Variants in WWTR1 observed in about 807,000 individuals in gnomAD.
The protein encoded by WWTR1 is WW domain containing transcription regulator 1.
In WWTR1, 13 loss-of-function variants were observed where a neutral mutation model predicts 40.1. The ratio of observed to expected loss-of-function variants is 0.32; its 90% CI spans 0.21 to 0.52. WWTR1 has a LOEUF of 0.52. WWTR1 is among the 20% of genes least tolerant of loss of function. WWTR1 has a pLI of 0.97. For missense variants in WWTR1, 436 were observed against 523.1 expected (o/e 0.83, Z 1.63); for synonymous variants, 230 against 210.1 (o/e 1.09, Z -0.82).
Position 149,520,964 on chromosome 3 carries a change from C to T in WWTR1, c.1044G>A (p.Met348Ile). The part of the protein sequence containing the change: ...DTGENAGQTP[M>I]NINPQQTRFP... ...AACGGGTCTGTTGGGGATTGATGTT[C>T]ATGGGTGTTTGTCCTGCGTTTTCTC... The change falls in exon 7 of 7, where the codon ATG becomes ATA. Residue 348 changes from methionine to isoleucine, a missense_variant. Transcript: ENST00000360632. The T allele has an allele frequency of 6.2e-7, 1 of 1,608,136 alleles. No homozygotes were observed. Among genetic ancestry groups the T allele is most frequent in the South Asian group, 1.1e-5 (1 of 89,694 alleles).
At chr3:149,591,089 G>C (rs1019638542) in intron 2 of WWTR1, among the ~76,000 whole-genome samples, 4 of 151,690 alleles carry the variant, frequency 2.6e-5, no homozygotes, top group African/African-American at 9.7e-5. Flanking sequence ...TTAGGTCCAT[G>C]TGATCCTGTA....
intron 1 of WWTR1, among the ~76,000 whole-genome samples, chr3:149,673,995 C>T (rs943758928): frequency 2.1e-5 from 3 of 143,844 alleles, no homozygotes; most frequent in African/African-American, 7.7e-5. Context: ...GAGAATATTG[C>T]TTAAGCCTAG....
intron 1 of WWTR1, among the ~76,000 whole-genome samples, chr3:149,698,500 G>A (rs550659634): frequency 6.6e-6 from 1 of 152,316 alleles, no homozygotes; most frequent in South Asian, 2.1e-4. Flanking sequence ...TTAGCAGTGT[G>A]AGAACAGACT....
chr3:149,622,296 T>G (rs1442505686), intron 2 of WWTR1, among the ~76,000 whole-genome samples: 1 of 152,120 alleles, frequency 6.6e-6, no homozygotes, highest in East Asian at 1.9e-4. Context: ...AGATACACTT[T>G]GTTTTCAAAA....
At chr3:149,632,333 C>T (rs916656194) in intron 2 of WWTR1, among the ~76,000 whole-genome samples, 2 of 152,184 alleles carry the variant, frequency 1.3e-5, no homozygotes, top group African/African-American at 2.4e-5. Flanking sequence ...TCTAAGGAAA[C>T]AGGCAAGGTA....
chr3:149,656,893 G>T lies in WWTR1; in HGVS notation c.414C>A (p.Gly138=). The T allele has an allele frequency of 6.5e-7, 1 of 1,533,588 alleles. No individual in the cohort carries two copies. 95.0% of individuals were successfully genotyped at this position (1,533,588 alleles called of 1,614,324 possible). ...PGWEMTFTAT[G]QRYFLNHIEK... Reference sequence around the variant, plus strand: ...TGACTTACTTGAGGAAGTACCTCTGGCCAGTGGCCGTGAAGGTCATCTCCC... The same window carrying T: ...TGACTTACTTGAGGAAGTACCTCTGTCCAGTGGCCGTGAAGGTCATCTCCC... Residue 138 remains glycine, a synonymous_variant, in exon 2 of 7, where the codon GGC becomes GGA. Transcript: ENST00000360632.
chr3:149,637,295 G>A (rs901746772), intron 2 of WWTR1, among the ~76,000 whole-genome samples: 4 of 151,112 alleles, frequency 2.6e-5, no homozygotes, highest in Non-Finnish European at 4.4e-5. Context: ...GCATGATCTC[G>A]ACTCACTGCA....
chr3:149,637,247 A>T (rs1226286245), intron 2 of WWTR1, among the ~76,000 whole-genome samples: 1 of 149,538 alleles, frequency 6.7e-6, no homozygotes, highest in African/African-American at 2.5e-5. Flanking sequence ...TTTTTTTGAG[A>T]CAGAGTCTCG....
At chr3:149,656,760 CTCTT>C (rs371121386) in intron 2 of WWTR1, 112 bp downstream of exon 2, 41,815 of 663,008 alleles carry the variant, frequency 0.063, 849 homozygotes, top group East Asian at 0.2. Flanking sequence ...CACCATCTCT[CTCTT>C]TCTCTCTCTC....
rs111311566 is a variant in WWTR1 at position 149,719,166 on chromosome 3, C to CT, written n.460-1601dup. On this transcript the variant is annotated intron_variant and non_coding_transcript_variant, in intron 4 of 6. Coordinates refer to the WWTR1 transcript ENST00000474080. ...TTTAAGGCTGAATAATATTCTTTTT[C>CT]TTTTTTTTTTTTTCTTTTTTGAGAC... 9.7e-3 allele frequency among the ~76,000 whole-genome samples: 1,367 copies of CT among 141,132 alleles called. 8 individuals are homozygous for CT. The highest frequency in any genetic ancestry group is 0.025 in the South Asian group (110 of 4,392). The allele number at this position is 141,132 out of a possible 152,430, so 92.6% of individuals were successfully genotyped here.
intron 3 of WWTR1, among the ~76,000 whole-genome samples, chr3:149,561,219 T>C (rs1175858929): frequency 2.0e-5 from 3 of 152,116 alleles, no homozygotes; most frequent in Non-Finnish European, 4.4e-5. Context: ...GTTAAATAAA[T>C]TATGGCATTA....
At chr3:149,526,267 AT>A (rs1458429465) in intron 5 of WWTR1, 142 bp from the exon 6 acceptor site, 3 of 475,184 alleles carry the variant, frequency 6.3e-6, no homozygotes, top group Non-Finnish European at 1.1e-5. Context: ...GAAAGTTTTA[AT>A]TTTGAAATAC....
chr3:149,640,974 C>T (rs1385135893), intron 2 of WWTR1, among the ~76,000 whole-genome samples: 2 of 151,942 alleles, frequency 1.3e-5, no homozygotes, highest in East Asian at 3.8e-4. Flanking sequence ...AAGTCACTGG[C>T]AAATCAAAGA....
chr3:149,638,699 C>T (rs900701920), intron 2 of WWTR1, among the ~76,000 whole-genome samples: 1 of 151,986 alleles, frequency 6.6e-6, no homozygotes, highest in African/African-American at 2.4e-5. Context: ...ACATTTCCTT[C>T]GCATTTAATT....
chr3:149,698,417 C>G (rs1235202647), intron 1 of WWTR1, among the ~76,000 whole-genome samples: 1 of 152,208 alleles, frequency 6.6e-6, no homozygotes. Flanking sequence ...CTGAGGACTC[C>G]CCAGCCATGT....
At position 149,534,575 on chromosome 3, in the gene WWTR1, G is replaced by C. The variant is rs148083417; in HGVS notation, c.772-6606C>G. On this transcript the variant is annotated intron_variant, in intron 4 of 6. Coordinates refer to ENST00000360632, the MANE Select transcript of WWTR1 (RefSeq NM_015472.6). ...TTCAATGATAGTTTTCAACGTATAT[G>C]AGTGGAGCTCATGTCCTAGGAATTC... is the stretch of plus-strand genomic sequence containing the variant. Among the ~76,000 whole-genome samples, 816 of 152,322 alleles carry C rather than the reference G, an allele frequency of 5.4e-3. 7 individuals are homozygous for C. The highest frequency in any genetic ancestry group is 8.8e-3 in the Non-Finnish European group (596 of 68,030).
At chr3:149,638,460 T>C (rs1349673779) in intron 2 of WWTR1, among the ~76,000 whole-genome samples, 1 of 152,182 alleles carries the variant, frequency 6.6e-6, no homozygotes, top group Admixed American at 6.5e-5. Context: ...AAAGAGTTCA[T>C]TTAAAGGGCA....
chr3:149,538,969 G>T (rs560557910), intron 4 of WWTR1, among the ~76,000 whole-genome samples: 1 of 152,162 alleles, frequency 6.6e-6, no homozygotes, highest in African/African-American at 2.4e-5. Context: ...AAGGAATGAA[G>T]GAAGGAAAAA....
intron 2 of WWTR1, among the ~76,000 whole-genome samples, chr3:149,586,844 A>C (rs1030118634): frequency 1.3e-5 from 2 of 152,174 alleles, no homozygotes; most frequent in African/African-American, 4.8e-5. Context: ...GCCTCCATAA[A>C]AATCCATAAG....
Sources: allele counts gnomAD v4.1 joint callset (sites outside exome capture counted in the v4.1 genomes callset), GRCh38; gene constraint gnomAD v4.1.1; transcripts MANE v1.5; gene names NCBI Gene and HGNC (gene_info 2026-07-23, HGNC 2026-07-21).